RPLP0: variants seen among roughly 807,000 people sequenced by gnomAD.
RPLP0 encodes the protein large ribosomal subunit protein uL10.
For missense variants in RPLP0, 276 were observed against 402.9 expected (o/e 0.69, Z 2.70); for synonymous variants, 137 against 153.4 (o/e 0.89, Z 0.79).
chr12:120,199,921 T>C, intron 2 of RPLP0: 4 of 419,362 alleles, frequency 9.5e-6, no homozygotes, highest in South Asian at 6.7e-5. Context: ...TGTTACACAA[T>C]TCCTTTGGGT....
chr12:120,197,550 CAAT>C, intron 6 of RPLP0, 88 bp from the exon 7 acceptor site: 1 of 1,475,480 alleles, frequency 6.8e-7, no homozygotes, highest in Non-Finnish European at 9.3e-7. Context: ...CCTTAGCAGA[CAAT>C]AATTGCCAGG....
chr12:120,199,626 C>T (rs1049597699), intron 2 of RPLP0, 141 bp from the exon 3 acceptor site: 6 of 789,976 alleles, frequency 7.6e-6, no homozygotes, highest in Middle Eastern at 2.4e-4. Flanking sequence ...TTGGGAGCTA[C>T]GTTGTAACAC....
chr12:120,196,966 C>A, intron 7 of RPLP0, 32 bp from the exon 8 acceptor site: 2 of 1,612,098 alleles, frequency 1.2e-6, no homozygotes, highest in South Asian at 2.2e-5. Flanking sequence ...TCAAAATGGT[C>A]ATCCACACTC....
Position 120,199,218 on chromosome 12 carries a change from G to A in RPLP0, c.231-13C>T, listed in dbSNP as rs763392888. On this transcript the variant is annotated splice_polypyrimidine_tract_variant and intron_variant, in intron 3 of 7. Transcript: ENST00000392514. ...ATGAGGCAGCAGTCTGCAAAGAGAA[G>A]TTTATGGGAGACAATCACCTTTCAG... 6.8e-6 allele frequency: 11 copies of A among 1,613,654 alleles called. 1 individual carries two copies. Among genetic ancestry groups the A allele is most frequent in the Admixed American group, 6.7e-5 (4 of 60,020 alleles).
chr12:120,197,629 GCC>G, intron 6 of RPLP0, 167 bp from the exon 7 acceptor site: 1 of 738,274 alleles, frequency 1.4e-6, no homozygotes, highest in East Asian at 2.7e-5. Flanking sequence ...GAGCAATTCA[GCC>G]CCATCAAATA....
Position 120,199,402 on chromosome 12 carries a change from G to C in RPLP0, c.138C>G (p.Ser46=), listed in dbSNP as rs1879312605. The change falls in exon 3 of 8, where the codon TCC becomes TCG. Residue 46 remains serine (S), a synonymous_variant. Coordinates refer to ENST00000392514, the MANE Select transcript of RPLP0 (RefSeq NM_001002.4). The part of the protein sequence containing the change: ...GSKQMQQIRM[S]LRGKAVVLMG... ...TCAGCACCACAGCCTTCCCGCGAAGGGACATGCGGATCTGCTGCATCTGCT... is the reference window on the plus strand; with the variant it reads ...TCAGCACCACAGCCTTCCCGCGAAGCGACATGCGGATCTGCTGCATCTGCT... 1 of 1,613,970 alleles carries C rather than the reference G, an allele frequency of 6.2e-7. No individual in the cohort carries two copies. Among genetic ancestry groups the C allele is most frequent in the Non-Finnish European group, 8.5e-7 (1 of 1,180,036 alleles).
chr12:120,198,319 G>C lies in RPLP0; in HGVS notation c.651+235C>G. On this transcript the variant is annotated intron_variant, in intron 6 of 7. Coordinates refer to ENST00000392514, the MANE Select transcript of RPLP0 (RefSeq NM_001002.4). This position sits in a 1 kb window ranked among gnomAD's most constrained non-coding sequence, Gnocchi z 4.1. ...AGAATGGTGTGAACCCGGAGGCGGA[G>C]CTTGCAGTGAGCCGGGAGATTGTGC... 2.0e-6 allele frequency: 1 copy of C among 497,570 alleles called. No homozygotes were observed. Among genetic ancestry groups the C allele is most frequent in the Non-Finnish European group, 3.6e-6 (1 of 275,258 alleles). The allele number at this position is 497,570 out of a possible 1,614,324, so 30.8% of individuals were successfully genotyped here.
intron 7 of RPLP0, 139 bp from the exon 8 acceptor site, chr12:120,197,073 G>C: frequency 7.0e-7 from 1 of 1,421,524 alleles, no homozygotes; most frequent in South Asian, 1.3e-5. Flanking sequence ...GCCCAAGCAG[G>C]ACAGCTTGGG....
intron 3 of RPLP0, 27 bp downstream of exon 3, chr12:120,199,283 A>G: frequency 6.2e-7 from 1 of 1,614,072 alleles, no homozygotes; most frequent in South Asian, 1.1e-5. Context: ...ACTGGGGAGA[A>G]AGGACAAAAC....
rs759215849 is a variant in RPLP0 at position 120,199,465 on chromosome 12, C to T, written c.75G>A (p.Pro25=). 93 of 1,613,854 alleles carry T rather than the reference C, an allele frequency of 5.8e-5. No homozygotes were observed. Among genetic ancestry groups the T allele is most frequent in the Non-Finnish European group, 6.5e-5 (77 of 1,180,002 alleles). The change falls in exon 3 of 8, where the codon CCG becomes CCA. Residue 25 remains proline, a synonymous_variant. Transcript: ENST00000392514. ...TGTCTGCTCCCACAATGAAACATTTCGGATAATCATCCAATAGTTGCTACA... is the reference window on the plus strand; with the variant it reads ...TGTCTGCTCCCACAATGAAACATTTTGGATAATCATCCAATAGTTGCTACA... ...LKIIQLLDDY[P]KCFIVGADNV...
chr12:120,199,040 C>T, intron 4 of RPLP0, 40 bp from the exon 5 acceptor site: 1 of 1,613,692 alleles, frequency 6.2e-7, no homozygotes, highest in Non-Finnish European at 8.5e-7. Context: ...CCTCTCCACT[C>T]ACACAACCTG....
At chr12:120,200,863 A>C in intron 1 of RPLP0, 32 bp from the exon 2 acceptor site, 1 of 1,552,792 alleles carries the variant, frequency 6.4e-7, no homozygotes, top group Non-Finnish European at 8.7e-7. Flanking sequence ...AGGCCTGGTC[A>C]CGCCGACACC....
chr12:120,196,923 G>A lies in RPLP0; in HGVS notation c.804C>T (p.Phe268=). 6.2e-7 allele frequency: 1 copy of A among 1,613,310 alleles called. No homozygotes were observed. Among genetic ancestry groups the A allele is most frequent in the Admixed American group, 1.7e-5 (1 of 60,014 alleles). ...CCACAAAGGCAGATGGATCAGCCAA[G>A]AAGGCCTTGACCTGAAAGGAGGGGG... The part of the protein sequence containing the change: ...TFPLAEKVKA[F]LADPSAFVAA... Residue 268 remains phenylalanine, a synonymous_variant, in exon 8 of 8, where the codon TTC becomes TTT. Coordinates refer to ENST00000392514, the MANE Select transcript of RPLP0 (RefSeq NM_001002.4).
chr12:120,199,679 A>G, intron 2 of RPLP0, 194 bp from the exon 3 acceptor site: 1 of 585,792 alleles, frequency 1.7e-6, no homozygotes, highest in Non-Finnish European at 3.0e-6. Context: ...AACGCTGAAA[A>G]TTAGGTTTCT....
In RPLP0 at chr12:120,200,714, C is replaced by T. The variant is rs748289315; in HGVS notation, c.54+16G>A. 1.2e-6 allele frequency: 2 copies of T among 1,607,580 alleles called. No individual in the cohort carries two copies. The highest frequency in any genetic ancestry group is 1.1e-5 in the South Asian group (1 of 89,682). ...GGGGCAACATGAAGAGCAGAGGCGACCCACCCTGCACTTACGATGATCTTA... is the reference window on the plus strand; with the variant it reads ...GGGGCAACATGAAGAGCAGAGGCGATCCACCCTGCACTTACGATGATCTTA... On this transcript the variant is annotated intron_variant, in intron 2 of 7. Transcript: ENST00000392514.
intron 2 of RPLP0, 46 bp from the exon 3 acceptor site, chr12:120,199,531 G>A (rs535677996): frequency 1.1e-5 from 18 of 1,569,644 alleles, no homozygotes; most frequent in East Asian, 4.5e-5. Context: ...GGAAGAGAGA[G>A]GGAAAAAATG....
At chr12:120,200,345 C>G (rs535811543) in intron 2 of RPLP0, 1 of 326,882 alleles carries the variant, frequency 3.1e-6, no homozygotes, top group East Asian at 8.7e-5. Context: ...CCCCTGTAAT[C>G]CCAGCTACTC....
chr12:120,200,062 A>G (rs762856773), intron 2 of RPLP0: 2 of 455,988 alleles, frequency 4.4e-6, no homozygotes, highest in African/African-American at 4.0e-5. Context: ...GGCCATCCAA[A>G]AGTCATTGGA....
rs1451917685 is a variant in RPLP0 at position 120,198,530 on chromosome 12, G to T, written c.651+24C>A. On this transcript the variant is annotated intron_variant, in intron 6 of 7. Coordinates refer to ENST00000392514, the MANE Select transcript of RPLP0 (RefSeq NM_001002.4). The surrounding 1 kb of genome is among the most constrained non-coding windows in gnomAD (Gnocchi z 4.1). The stretch of plus-strand genomic sequence containing the variant: ...CATGCTCTCAACCATCAGTGTAAGA[G>T]GGGGCAAGGCTGACAGCATATACCT... 1 of 1,613,866 alleles carries T rather than the reference G, an allele frequency of 6.2e-7. No individual in the cohort carries two copies. Among genetic ancestry groups the T allele is most frequent in the Admixed American group, 1.7e-5 (1 of 59,992 alleles).
Sources: gnomAD v4.1 joint callset for allele counts on GRCh38, gnomAD v4.1.1 for gene constraint, Gnocchi (gnomAD v3.1) non-coding constraint, MANE v1.5 for transcripts, NCBI Gene and HGNC (gene_info 2026-07-23, HGNC 2026-07-21) for gene names.